TMEM164: variants seen among roughly 807,000 people sequenced by gnomAD.
The protein encoded by TMEM164 is transmembrane protein 164, also known as RP13-360B22.2.
Under a neutral mutation model 18.8 loss-of-function variants are expected in TMEM164, and 4 were observed. The observed-to-expected ratio is 0.21, with a 90% CI of 0.10 to 0.49. The LOEUF (loss-of-function observed/expected upper bound fraction) is 0.49, where lower values mean the gene tolerates loss of function less well. Among genes scored for constraint, TMEM164 ranks in the 20% least tolerant of loss-of-function variants. The pLI, the probability that TMEM164 is intolerant of heterozygous loss-of-function variation, is 0.98. For missense variants in TMEM164, 108 were observed against 239.9 expected, an observed-to-expected ratio of 0.45 and a Z score of 3.63; for synonymous variants, 86 against 101.7, an observed-to-expected ratio of 0.85 and a Z score of 0.93.
chrX:110,153,825 G>C (rs1238806779), intron 5 of TMEM164, among the ~76,000 whole-genome samples: 1 of 111,007 alleles, frequency 9.0e-6, no homozygotes, highest in Non-Finnish European at 1.9e-5. Context: ...TTTTATGCGT[G>C]GCCCAAGACA....
chrX:110,113,158 T>C (rs1472223957), intron 4 of TMEM164, among the ~76,000 whole-genome samples: 1 of 112,209 alleles, frequency 8.9e-6, no homozygotes, highest in Non-Finnish European at 1.9e-5. Context: ...AACTAACTTA[T>C]CAAAAATGTT....
chrX:110,039,865 G>A (rs930343140), intron 2 of TMEM164, among the ~76,000 whole-genome samples: 4 of 111,466 alleles, frequency 3.6e-5, no homozygotes, highest in East Asian at 2.8e-4. Flanking sequence ...TTGTACTGCC[G>A]GGGCAAGGTT....
chrX:110,177,995 G>A (rs2067307700), downstream of TMEM164, among the ~76,000 whole-genome samples: 1 of 112,110 alleles, frequency 8.9e-6, no homozygotes, highest in Non-Finnish European at 1.9e-5. Flanking sequence ...GACCCAGCAG[G>A]CCATTTGCTC....
At chrX:110,004,838 C>A (rs1282453811) in intron 2 of TMEM164, among the ~76,000 whole-genome samples, 1 of 112,062 alleles carries the variant, frequency 8.9e-6, no homozygotes, top group South Asian at 3.7e-4. Context: ...CCTCTCCATC[C>A]TATTACTGTC....
chrX:110,054,284 C>G (rs1268782322), intron 2 of TMEM164, among the ~76,000 whole-genome samples: 2 of 112,118 alleles, frequency 1.8e-5, no homozygotes, highest in Non-Finnish European at 3.8e-5. Context: ...CTAGTAAGCA[C>G]TCAGTAAGGA....
intron 5 of TMEM164, among the ~76,000 whole-genome samples, chrX:110,158,358 G>A (rs1281673150): frequency 8.9e-6 from 1 of 111,975 alleles, no homozygotes; most frequent in Non-Finnish European, 1.9e-5. Flanking sequence ...TGGAGGTGCA[G>A]GACATCTGGC....
intron 4 of TMEM164, among the ~76,000 whole-genome samples, chrX:110,134,393 TACAC>T (rs760240920): frequency 9.2e-6 from 1 of 108,605 alleles, no homozygotes; most frequent in Non-Finnish European, 1.9e-5. Context: ...CTACTAAAAA[TACAC>T]ACACACACAC....
intron 2 of TMEM164, among the ~76,000 whole-genome samples, chrX:110,009,992 C>CA (rs34211835): frequency 6.8e-3 from 500 of 73,498 alleles, no homozygotes; most frequent in African/African-American, 0.013. Flanking sequence ...GACTCTGTCT[C>CA]AAAAAAAAAA....
chrX:110,170,567 A>G (rs2067216864), intron 5 of TMEM164, among the ~76,000 whole-genome samples: 1 of 111,720 alleles, frequency 9.0e-6, no homozygotes, highest in African/African-American at 3.3e-5. Context: ...GTTCCCACTC[A>G]GAGTGATACC....
At chrX:110,137,526 C>G (rs2066707596) in intron 4 of TMEM164, among the ~76,000 whole-genome samples, 2 of 112,336 alleles carry the variant, frequency 1.8e-5, no homozygotes, top group African/African-American at 3.2e-5. Context: ...TCGCCAGCCC[C>G]TAACTGGTCC....
chrX:110,177,595 C>T lies in TMEM164; in HGVS notation c.*4144C>T, dbSNP rs1037068096. 4.4e-5 allele frequency: 5 copies of T among 112,619 alleles called. No homozygotes were observed. Among genetic ancestry groups the T allele is most frequent in the African/African-American group, 1.6e-4 (5 of 30,935 alleles). The allele number at this position is 112,619 out of a possible 1,213,427, so 9.3% of individuals were successfully genotyped here. On this transcript the variant is annotated 3_prime_UTR_variant, in exon 7 of 7. Coordinates refer to ENST00000372068, the MANE Select transcript of TMEM164 (RefSeq NM_032227.4). ...AATGTGTTTTCTCTGTCTTGTAAAA[C>T]CTTTTGATTGTACCGAAATGGTATC... is the stretch of plus-strand genomic sequence containing the variant.
chrX:110,155,365 C>A (rs1367859222), intron 5 of TMEM164, among the ~76,000 whole-genome samples: 4 of 110,481 alleles, frequency 3.6e-5, no homozygotes, highest in Non-Finnish European at 5.7e-5. Context: ...TCAAAAATAA[C>A]AATTAGACTC....
intron 2 of TMEM164, among the ~76,000 whole-genome samples, chrX:110,028,774 A>G (rs1934318799): frequency 8.9e-6 from 1 of 111,883 alleles, no homozygotes; most frequent in Non-Finnish European, 1.9e-5. Flanking sequence ...TGTCCACTAG[A>G]TCAACCTTGT....
At chrX:110,077,669 G>A (rs2065692608) in intron 3 of TMEM164, among the ~76,000 whole-genome samples, 1 of 111,668 alleles carries the variant, frequency 9.0e-6, no homozygotes, top group Admixed American at 9.5e-5. Flanking sequence ...AGTTCCCTTA[G>A]CATTTGCTTG....
chrX:110,164,296 G>A (rs185638894), intron 5 of TMEM164, among the ~76,000 whole-genome samples: 60 of 111,577 alleles, frequency 5.4e-4, no homozygotes, highest in Non-Finnish European at 3.6e-4. Context: ...GTATGCAAGG[G>A]ATAATTAGAA....
intron 5 of TMEM164, among the ~76,000 whole-genome samples, chrX:110,148,779 G>C (rs954010560): frequency 9.7e-6 from 1 of 102,783 alleles, no homozygotes; most frequent in Non-Finnish European, 2.0e-5. Context: ...TCCCACTTCA[G>C]CCTCCCAAAG....
At chrX:110,140,407 G>C (rs2066752930) in intron 4 of TMEM164, among the ~76,000 whole-genome samples, 1 of 111,903 alleles carries the variant, frequency 8.9e-6, no homozygotes, top group Non-Finnish European at 1.9e-5. Flanking sequence ...TCTTCAGAGA[G>C]GAAGAACTAA....
At chrX:110,015,478 C>T (rs1255896975) in intron 2 of TMEM164, among the ~76,000 whole-genome samples, 6 of 111,585 alleles carry the variant, frequency 5.4e-5, no homozygotes, top group Admixed American at 9.5e-5. Flanking sequence ...AAAGGGTCCT[C>T]TTCATATCAG....
chrX:110,046,681 T>A (rs889107535), intron 2 of TMEM164, among the ~76,000 whole-genome samples: 23 of 112,524 alleles, frequency 2.0e-4, no homozygotes, highest in Non-Finnish European at 3.8e-4. Flanking sequence ...AAAATAGAGT[T>A]GGGGGCAATT....
Sources: gnomAD v4.1 joint callset for allele counts (sites outside exome capture counted in the v4.1 genomes callset) on GRCh38, gnomAD v4.1.1 for gene constraint, MANE v1.5 for transcripts, NCBI Gene and HGNC (gene_info 2026-07-23, HGNC 2026-07-21) for gene names.